Variants in TRIO observed in about 807,000 individuals in gnomAD.
TRIO encodes the protein triple functional domain protein.
Under a neutral mutation model 351.9 loss-of-function variants are expected in TRIO, and 58 were observed. The ratio of observed to expected loss-of-function variants is 0.16; its 90% CI spans 0.13 to 0.21. TRIO has a LOEUF of 0.21. Ranked by LOEUF, TRIO falls within the 10% of genes least tolerant of loss-of-function variation. TRIO has a pLI of 1.00. For synonymous variants in TRIO, 1,758 were observed against 1,595.7 expected (o/e 1.10, Z -2.42); for missense variants, 3,201 against 4,027.8 (o/e 0.79, Z 5.56).
Position 14,487,910 on chromosome 5 carries a change from T to A in TRIO, c.7282T>A (p.Ser2428Thr). 1 of 1,540,110 alleles carries A rather than the reference T, an allele frequency of 6.5e-7. No homozygotes were observed. Among genetic ancestry groups the A allele is most frequent in the South Asian group, 1.2e-5 (1 of 83,246 alleles). ...PRKGAANASG[S>T]SPDAPAKDAR... ...GAAAGGCGCCGCGAACGCCTCGGGG[T>A]CGAGCCCAGACGCCCCCGCCAAGGA... Residue 2428 changes from serine (S) to threonine (T), a missense_variant, in exon 48 of 57, where the codon TCG (serine) becomes ACG (threonine). Ser to Thr is a moderately conservative substitution (Grantham distance 58). Coordinates refer to ENST00000344204, the MANE Select transcript of TRIO (RefSeq NM_007118.4).
chr5:14,382,508 C>T (rs538409577), intron 21 of TRIO, among the ~76,000 whole-genome samples: 20 of 152,072 alleles, frequency 1.3e-4, no homozygotes, highest in Non-Finnish European at 2.9e-4. Flanking sequence ...CAAGAAGACC[C>T]GGCCCAGGGT....
At chr5:14,217,728 C>T (rs1313026417) in intron 1 of TRIO, among the ~76,000 whole-genome samples, 2 of 152,114 alleles carry the variant, frequency 1.3e-5, no homozygotes, top group Non-Finnish European at 1.5e-5. Context: ...TGCTGCAGCC[C>T]TGTGTGGCTG....
chr5:14,268,472 C>G (rs1021459934), intron 1 of TRIO, among the ~76,000 whole-genome samples: 1 of 152,218 alleles, frequency 6.6e-6, no homozygotes, highest in East Asian at 1.9e-4. Context: ...GGGGCTCTGT[C>G]TCTCTAGTGT....
intron 11 of TRIO, among the ~76,000 whole-genome samples, chr5:14,340,762 T>G (rs1055889588): frequency 2.6e-5 from 4 of 152,200 alleles, no homozygotes; most frequent in Non-Finnish European, 4.4e-5. Flanking sequence ...CTCCAAAAAC[T>G]GAGACCTCTG....
At chr5:14,457,896 C>A (rs1316566066) in intron 34 of TRIO, among the ~76,000 whole-genome samples, 1 of 152,122 alleles carries the variant, frequency 6.6e-6, no homozygotes, top group Non-Finnish European at 1.5e-5. Flanking sequence ...GCCAACTCCC[C>A]CCAAGTTCTA....
chr5:14,304,715 G>A lies in TRIO; in HGVS notation c.1500+123G>A, dbSNP rs544597276. On this transcript the variant is annotated intron_variant, in intron 8 of 56. Transcript: ENST00000344204. ...AAGTTTATAGATTTCGAGTTAGACT[G>A]CAGTTTAATTGTTTAGCATTTGAAC... The A allele has an allele frequency of 6.9e-6, 8 of 1,154,470 alleles. No individual in the cohort carries two copies. In the Admixed American group the frequency reaches 1.7e-4, roughly 24 times the overall value. 71.5% of individuals were successfully genotyped at this position (1,154,470 alleles called of 1,614,324 possible).
chr5:14,277,893 T>C (rs1271566818), intron 2 of TRIO, among the ~76,000 whole-genome samples: 1 of 152,236 alleles, frequency 6.6e-6, no homozygotes, highest in Non-Finnish European at 1.5e-5. Context: ...ATTAACTGCG[T>C]TATGCCATCT....
chr5:14,151,509 G>A (rs146896639), intron 1 of TRIO, among the ~76,000 whole-genome samples: 64 of 151,910 alleles, frequency 4.2e-4, no homozygotes, highest in African/African-American at 1.4e-3. Context: ...TGAATATATC[G>A]GAGACTAATA....
chr5:14,359,106 T>G (rs530836159), intron 12 of TRIO, among the ~76,000 whole-genome samples: 10 of 152,352 alleles, frequency 6.6e-5, no homozygotes, highest in African/African-American at 2.2e-4. Context: ...TTTCTATAAT[T>G]ATTAGCCTTC....
intron 37 of TRIO, among the ~76,000 whole-genome samples, chr5:14,467,950 A>G (rs1754388081): frequency 6.6e-6 from 1 of 152,226 alleles, no homozygotes; most frequent in Non-Finnish European, 1.5e-5. Flanking sequence ...GTTTTTAAGC[A>G]TCCTTAAACT....
At chr5:14,176,592 T>G (rs1377375150) in intron 1 of TRIO, among the ~76,000 whole-genome samples, 1 of 152,156 alleles carries the variant, frequency 6.6e-6, no homozygotes, top group Non-Finnish European at 1.5e-5. Context: ...TACCTGGGAT[T>G]GCAGCCGTGT....
intron 18 of TRIO, among the ~76,000 whole-genome samples, chr5:14,370,395 C>A (rs1301356277): frequency 6.6e-6 from 1 of 152,076 alleles, no homozygotes; most frequent in Non-Finnish European, 1.5e-5. Context: ...TTCTGTGTTG[C>A]ATTCTTGGGC....
At chr5:14,245,489 G>A (rs1189803788) in intron 1 of TRIO, among the ~76,000 whole-genome samples, 1 of 152,152 alleles carries the variant, frequency 6.6e-6, no homozygotes, top group Non-Finnish European at 1.5e-5. Flanking sequence ...TATTTTTGAG[G>A]CAGCTGCTAA....
At chr5:14,259,328 A>G (rs1481900903) in intron 1 of TRIO, among the ~76,000 whole-genome samples, 1 of 152,244 alleles carries the variant, frequency 6.6e-6, no homozygotes, top group East Asian at 1.9e-4. Flanking sequence ...AAAAAAACCA[A>G]AAACCCACCA....
chr5:14,342,335 C>T (rs1742011348), intron 11 of TRIO, among the ~76,000 whole-genome samples: 1 of 152,212 alleles, frequency 6.6e-6, no homozygotes, highest in South Asian at 2.1e-4. Context: ...CCTTCTTTCC[C>T]TTGCAGAGCT....
In TRIO at chr5:14,485,124, T is replaced by C; in HGVS notation, c.6713T>C (p.Leu2238Pro). The C allele has an allele frequency of 6.3e-7, 1 of 1,587,210 alleles. No homozygotes were observed. The highest frequency in any genetic ancestry group is 8.6e-7 in the Non-Finnish European group (1 of 1,160,032). Residue 2238 changes from leucine to proline, a missense_variant, in exon 47 of 57, where the codon CTG becomes CCG. This residue lies in a region of TRIO where 1,089 missense variants were observed against 954.9 expected (regional missense o/e 1.14). Coordinates refer to ENST00000344204, the MANE Select transcript of TRIO (RefSeq NM_007118.4). ...GAAAATGATCCCTGTAAATTTGCTC[T>C]GACATCGAGGACGGGTGACGTGGTA... ...NVENDPCKFA[L>P]TSRTGDVVET...
intron 1 of TRIO, among the ~76,000 whole-genome samples, chr5:14,211,726 G>A (rs1223873223): frequency 2.7e-5 from 4 of 150,642 alleles, no homozygotes; most frequent in South Asian, 4.2e-4. Context: ...AACAGAATGT[G>A]GCAATCTTTT....
chr5:14,179,552 G>A (rs1353665449), intron 1 of TRIO, among the ~76,000 whole-genome samples: 5 of 150,716 alleles, frequency 3.3e-5, no homozygotes, highest in African/African-American at 9.8e-5. Flanking sequence ...CTTGAGCTCC[G>A]CTGAAGTGAT....
chr5:14,418,249 G>A (rs1019244162), intron 33 of TRIO, among the ~76,000 whole-genome samples: 1 of 152,178 alleles, frequency 6.6e-6, no homozygotes, highest in Non-Finnish European at 1.5e-5. Context: ...TGGCCACTGG[G>A]GGGGACCTTT....
Sources: allele counts gnomAD v4.1 joint callset (sites outside exome capture counted in the v4.1 genomes callset), GRCh38; gene constraint gnomAD v4.1.1; regional missense constraint gnomAD v4.1.1; transcripts MANE v1.5; gene names NCBI Gene and HGNC (gene_info 2026-07-23, HGNC 2026-07-21).